Variants in PASD1 observed in about 807,000 individuals in gnomAD.
The protein encoded by PASD1 is circadian clock protein PASD1.
PASD1 carries 13 observed loss-of-function variants against 58.8 expected under a neutral mutation model. The observed-to-expected ratio is 0.22, with a 90% CI of 0.14 to 0.35. The LOEUF is 0.35. Among genes scored for constraint, PASD1 ranks in the 10% least tolerant of loss-of-function variants. The pLI is 1.00. For missense variants in PASD1, 734 were observed against 568.3 expected, an observed-to-expected ratio of 1.29 and a Z score of -2.96; for synonymous variants, 236 against 216.7, an observed-to-expected ratio of 1.09 and a Z score of -0.78.
intron 1 of PASD1, among the ~76,000 whole-genome samples, chrX:151,567,059 A>C (rs2012855079): frequency 1.1e-5 from 1 of 87,144 alleles, no homozygotes; most frequent in Admixed American, 1.1e-4. Context: ...TAAATAAATA[A>C]ATAAATAAAT....
intron 1 of PASD1, among the ~76,000 whole-genome samples, chrX:151,574,433 G>A (rs970478786): frequency 2.7e-5 from 3 of 112,020 alleles, no homozygotes; most frequent in African/African-American, 9.8e-5. Context: ...CTTAGAAAGT[G>A]ACAAGTGCCC....
At chrX:151,610,915 G>C (rs1346203611) in intron 3 of PASD1, among the ~76,000 whole-genome samples, 1 of 96,416 alleles carries the variant, frequency 1.0e-5, no homozygotes, top group Non-Finnish European at 2.1e-5. Context: ...AGATTTTTCT[G>C]TTTTACCTGT....
intron 1 of PASD1, among the ~76,000 whole-genome samples, chrX:151,591,937 T>C (rs1242895977): frequency 8.9e-6 from 1 of 112,162 alleles, no homozygotes; most frequent in Non-Finnish European, 1.9e-5. Context: ...CTCTCCATGG[T>C]AAAACTTCAA....
rs755421301 is a variant in PASD1 at position 151,566,336 on chromosome X, A to G, written c.-28+2497A>G. Among the ~76,000 whole-genome samples, 198 of 112,722 alleles carry G rather than the reference A, an allele frequency of 1.8e-3. 1 individual carries two copies. Among genetic ancestry groups the G allele is most frequent in the African/African-American group, 6.1e-3 (188 of 31,037 alleles). On this transcript the variant is annotated intron_variant, in intron 1 of 15. Transcript: ENST00000370357. ...TTACCCTGGGTTAGGGCCTCAGCCCATCTTCCCCAAAGAGGAGGATTTAGA... is the reference window on the plus strand; with the variant it reads ...TTACCCTGGGTTAGGGCCTCAGCCCGTCTTCCCCAAAGAGGAGGATTTAGA...
At chrX:151,628,857 T>G (rs983703725) in intron 8 of PASD1, among the ~76,000 whole-genome samples, 4 of 111,547 alleles carry the variant, frequency 3.6e-5, no homozygotes, top group African/African-American at 1.3e-4. Context: ...TGTATCCTCT[T>G]TTATTTCATT....
At chrX:151,643,059 A>C (rs2014016833) in intron 8 of PASD1, among the ~76,000 whole-genome samples, 1 of 111,681 alleles carries the variant, frequency 9.0e-6, no homozygotes, top group Admixed American at 9.5e-5. Flanking sequence ...ATAGTCTTAA[A>C]CTCTGCCAAC....
At chrX:151,596,240 G>A (rs952506506) in intron 1 of PASD1, among the ~76,000 whole-genome samples, 3 of 112,117 alleles carry the variant, frequency 2.7e-5, no homozygotes, top group East Asian at 5.6e-4. Context: ...GATGGCCCTA[G>A]CTTCTGGCAA....
chrX:151,638,966 C>G (rs1023210949), intron 8 of PASD1, among the ~76,000 whole-genome samples: 3 of 111,953 alleles, frequency 2.7e-5, no homozygotes, highest in Non-Finnish European at 5.6e-5. Context: ...TGCTCAAAAA[C>G]TTTCGGTGCT....
At chrX:151,597,938 G>A (rs901424820) in intron 1 of PASD1, among the ~76,000 whole-genome samples, 1 of 111,415 alleles carries the variant, frequency 9.0e-6, no homozygotes. Context: ...CCATGTTGCC[G>A]AGGCTAGTCT....
At chrX:151,585,760 C>T (rs1412804532) in intron 1 of PASD1, among the ~76,000 whole-genome samples, 11 of 111,552 alleles carry the variant, frequency 9.9e-5, no homozygotes, top group African/African-American at 3.6e-4. Flanking sequence ...AGTATTTTGT[C>T]GTATAACTGG....
intron 8 of PASD1, among the ~76,000 whole-genome samples, chrX:151,637,464 C>T (rs1459136383): frequency 3.6e-5 from 4 of 111,315 alleles, no homozygotes; most frequent in African/African-American, 1.3e-4. Flanking sequence ...GCAACCTGTG[C>T]CTCCTGGGCT....
intron 10 of PASD1, among the ~76,000 whole-genome samples, chrX:151,660,528 C>T (rs2014296349): frequency 8.9e-6 from 1 of 112,274 alleles, no homozygotes; most frequent in East Asian, 2.8e-4. Context: ...AAATTCCTTC[C>T]AAAACAATTG....
chrX:151,629,194 G>A (rs1369846962), intron 8 of PASD1, among the ~76,000 whole-genome samples: 1 of 110,692 alleles, frequency 9.0e-6, no homozygotes, highest in Non-Finnish European at 1.9e-5. Context: ...ATCTCGGCTC[G>A]CTGCAACCTC....
At chrX:151,622,586 T>TACACACACACACACACACACAC (rs202044764) in intron 6 of PASD1, among the ~76,000 whole-genome samples, 1 of 96,773 alleles carries the variant, frequency 1.0e-5, no homozygotes, top group African/African-American at 3.8e-5. Context: ...GTGCACAGAT[T>TACACACACACACACACACACAC]ACACACACAC....
intron 9 of PASD1, among the ~76,000 whole-genome samples, chrX:151,655,868 A>G (rs1306936945): frequency 9.0e-6 from 1 of 111,602 alleles, no homozygotes; most frequent in Non-Finnish European, 1.9e-5. Context: ...ATTAGATCCC[A>G]TTTGTCAATT....
At chrX:151,619,552 G>T (rs1366599448) in intron 4 of PASD1, among the ~76,000 whole-genome samples, 1 of 111,401 alleles carries the variant, frequency 9.0e-6, no homozygotes, top group African/African-American at 3.3e-5. Context: ...AGCCTTTGAG[G>T]TAGAAGTATA....
intron 8 of PASD1, among the ~76,000 whole-genome samples, chrX:151,634,550 G>C (rs2124283815): frequency 9.0e-6 from 1 of 110,512 alleles, no homozygotes; most frequent in African/African-American, 3.3e-5. Context: ...GTTGTCATAT[G>C]TCTTTAAACT....
intron 9 of PASD1, among the ~76,000 whole-genome samples, chrX:151,658,839 C>T (rs1048620169): frequency 2.7e-5 from 3 of 112,226 alleles, no homozygotes; most frequent in Non-Finnish European, 3.8e-5. Context: ...ACTGCTAAAC[C>T]AGGTACTTAA....
chrX:151,621,086 G>A (rs1323755140), intron 5 of PASD1, 57 bp downstream of exon 5: 9 of 745,314 alleles, frequency 1.2e-5, no homozygotes, highest in South Asian at 6.0e-5. Context: ...AGTAACAATC[G>A]CTCAATGGAT....
Sources: allele counts gnomAD v4.1 joint callset (sites outside exome capture counted in the v4.1 genomes callset), GRCh38; gene constraint gnomAD v4.1.1; transcripts MANE v1.5; gene names NCBI Gene and HGNC (gene_info 2026-07-23, HGNC 2026-07-21).